Variants in BCL2L11 observed in about 807,000 individuals in gnomAD.
BCL2L11 encodes bcl-2-like protein 11.
A neutral mutation model predicts 20.6 loss-of-function variants in BCL2L11; 15 were observed. That is an observed-to-expected ratio of 0.73 (90% CI 0.49 to 1.12). BCL2L11 has a LOEUF of 1.12. Among genes scored for constraint, BCL2L11 ranks in the 50% most tolerant of loss-of-function variants. The pLI, the probability that BCL2L11 is intolerant of heterozygous loss-of-function variation, is 0.00. For synonymous variants in BCL2L11, 108 were observed against 92.8 expected, an observed-to-expected ratio of 1.16 and a Z score of -0.94; for missense variants, 292 against 260.9, an observed-to-expected ratio of 1.12 and a Z score of -0.82.
intron 3 of BCL2L11, among the ~76,000 whole-genome samples, chr2:111,160,609 G>A (rs1459356771): frequency 6.6e-6 from 1 of 152,196 alleles, no homozygotes; most frequent in South Asian, 2.1e-4. Flanking sequence ...TTAGGCTATG[G>A]AGATTACAGT....
chr2:111,131,454 T>C (rs77964380), intron 2 of BCL2L11: 1 of 152,152 alleles, frequency 6.6e-6, no homozygotes, highest in African/African-American at 2.4e-5. Flanking sequence ...TGATAACCCC[T>C]GCTTCATTTC....
In BCL2L11 at chr2:111,121,165, G is replaced by A. The variant is rs1003089888; in HGVS notation, c.-37G>A. The A allele has an allele frequency of 6.9e-5, 17 of 245,586 alleles. No homozygotes were observed. Among genetic ancestry groups the A allele is most frequent in the Non-Finnish European group, 1.3e-4 (16 of 126,746 alleles). The allele number at this position is 245,586 out of a possible 1,614,324, so 15.2% of individuals were successfully genotyped here. On this transcript the variant is annotated 5_prime_UTR_variant, in exon 1 of 4. Transcript: ENST00000393256. The stretch of plus-strand genomic sequence containing the variant: ...CTTGTTCCCCCAAATGTCTGACTCT[G>A]ACTCTCGGACTGAGAAACGCAAGGT...
At chr2:111,161,500 G>T in intron 3 of BCL2L11, 1 of 1,549,970 alleles carries the variant, frequency 6.5e-7, no homozygotes. Context: ...TCTGCAGACA[G>T]CAGGTCTCAG....
At chr2:111,152,468 A>G (rs1259177615) in intron 3 of BCL2L11, among the ~76,000 whole-genome samples, 1 of 152,238 alleles carries the variant, frequency 6.6e-6, no homozygotes, top group African/African-American at 2.4e-5. Flanking sequence ...TAAAGCATGC[A>G]ATATGAATGC....
At chr2:111,136,805 G>C (rs767165372) in intron 2 of BCL2L11, among the ~76,000 whole-genome samples, 2 of 152,166 alleles carry the variant, frequency 1.3e-5, no homozygotes, top group Non-Finnish European at 2.9e-5. Context: ...GGCATGTAAC[G>C]TTTATACCAT....
chr2:111,149,681 TTGTTA>T (rs1452440638), intron 2 of BCL2L11, among the ~76,000 whole-genome samples: 10 of 152,236 alleles, frequency 6.6e-5, no homozygotes, highest in South Asian at 6.2e-4. Flanking sequence ...AAAAACTAAA[TTGTTA>T]TGTTATAATT....
At chr2:111,145,968 G>A (rs895498599) in intron 2 of BCL2L11, 1 of 963,160 alleles carries the variant, frequency 1.0e-6, no homozygotes, top group African/African-American at 1.8e-5. Context: ...AGAAAACATG[G>A]ATCTGCCTAG....
chr2:111,154,014 A>G, intron 3 of BCL2L11: 1 of 1,215,466 alleles, frequency 8.2e-7, no homozygotes, highest in Admixed American at 3.7e-5. Context: ...TCGGAGTTTT[A>G]CTACTCCAGT....
chr2:111,149,988 T>C (rs1255654445), intron 2 of BCL2L11, 56 bp from the exon 3 acceptor site: 1 of 1,502,882 alleles, frequency 6.7e-7, no homozygotes, highest in Non-Finnish European at 9.1e-7. Flanking sequence ...CTTTGGAACT[T>C]TCCCAGTGAT....
chr2:111,123,132 T>C, intron 1 of BCL2L11: 2 of 983,648 alleles, frequency 2.0e-6, no homozygotes, highest in Non-Finnish European at 1.2e-6. Flanking sequence ...CGGCGTGCGG[T>C]ACGGGAGCGG....
chr2:111,150,586 T>C lies in BCL2L11; in HGVS notation c.498+439T>C, dbSNP rs76686125. 1.9e-3 allele frequency among the ~76,000 whole-genome samples: 291 copies of C among 152,306 alleles called. 9 individuals are homozygous for C. In the East Asian group the frequency reaches 0.052, roughly 27 times the overall value. ...CCAGCACTCATGTAAAAGACTCTCCTGCAATTTGCAGGGTGGCCCGAGGAA... is the reference window on the plus strand; with the variant it reads ...CCAGCACTCATGTAAAAGACTCTCCCGCAATTTGCAGGGTGGCCCGAGGAA... On this transcript the variant is annotated intron_variant, in intron 3 of 3. Transcript: ENST00000393256.
At chr2:111,128,811 C>A (rs2073255978) in intron 2 of BCL2L11, 2 of 1,474,376 alleles carry the variant, frequency 1.4e-6, no homozygotes, top group South Asian at 2.7e-5. Flanking sequence ...GTCATATGGT[C>A]ATTGGTGATT....
chr2:111,122,276 C>T (rs2071203747), intron 1 of BCL2L11, among the ~76,000 whole-genome samples: 1 of 152,228 alleles, frequency 6.6e-6, no homozygotes, highest in Non-Finnish European at 1.5e-5. Context: ...CGGGTCCGGG[C>T]GCGGCGCAAG....
chr2:111,155,633 A>G (rs2077734804), intron 3 of BCL2L11, among the ~76,000 whole-genome samples: 1 of 152,150 alleles, frequency 6.6e-6, no homozygotes, highest in Admixed American at 6.5e-5. Context: ...GGTTCTTCAC[A>G]GTCAGGTTGT....
chr2:111,122,495 G>C (rs2071283060), intron 1 of BCL2L11, among the ~76,000 whole-genome samples: 1 of 152,156 alleles, frequency 6.6e-6, no homozygotes, highest in Non-Finnish European at 1.5e-5. Context: ...CTGACCCGTA[G>C]GCGCCGCCCC....
At position 111,146,306 on chromosome 2, in the gene BCL2L11, G is replaced by A. The variant is rs114039165; in HGVS notation, c.395-3738G>A. 3.6e-3 allele frequency: 3,132 copies of A among 870,434 alleles called. 6 individuals are homozygous for A. Among genetic ancestry groups the A allele is most frequent in the Non-Finnish European group, 3.9e-3 (2,798 of 724,392 alleles). The allele number at this position is 870,434 out of a possible 1,614,324, so 53.9% of individuals were successfully genotyped here. ...TAGACCAGGTATCAACATTTACGGC[G>A]GTCAGACACATTGCAGATAGCAAAA... is the stretch of plus-strand genomic sequence containing the variant. On this transcript the variant is annotated intron_variant, in intron 2 of 3. Coordinates refer to ENST00000393256, the MANE Select transcript of BCL2L11 (RefSeq NM_138621.5).
intron 3 of BCL2L11, among the ~76,000 whole-genome samples, chr2:111,150,500 G>A (rs1456504164): frequency 6.6e-6 from 1 of 152,136 alleles, no homozygotes; most frequent in Non-Finnish European, 1.5e-5. Flanking sequence ...GTGCATTTTA[G>A]GTCAAAGTTA....
At chr2:111,136,082 G>C (rs780634522) in intron 2 of BCL2L11, among the ~76,000 whole-genome samples, 5 of 152,138 alleles carry the variant, frequency 3.3e-5, no homozygotes, top group Non-Finnish European at 7.3e-5. Context: ...CTGCTGCCAG[G>C]GGCGTTGTGG....
At position 111,150,140 on chromosome 2, in the gene BCL2L11, C is replaced by A; in HGVS notation, c.491C>A (p.Ala164Glu). 6.2e-7 allele frequency: 1 copy of A among 1,613,600 alleles called. No homozygotes were observed. ...RIGDEFNAYY[A>E]RRVFLNNYQA... ...GGAGACGAGTTTAACGCTTACTATG[C>A]AAGGAGGGTAATGATGTTTTCTTTA... The change falls in exon 3 of 4, where the codon GCA (alanine) becomes GAA (glutamate). Residue 164 changes from alanine (A) to glutamate (E), a missense_variant. Ala to Glu is a moderately radical substitution (Grantham distance 107). Coordinates refer to ENST00000393256, the MANE Select transcript of BCL2L11 (RefSeq NM_138621.5).
Sources: allele counts gnomAD v4.1 joint callset (sites outside exome capture counted in the v4.1 genomes callset), GRCh38; gene constraint gnomAD v4.1.1; transcripts MANE v1.5; gene names NCBI Gene and HGNC (gene_info 2026-07-23, HGNC 2026-07-21).